Variants in DCAF15 observed in about 807,000 individuals in gnomAD.
DCAF15 encodes DDB1 and CUL4 associated factor 15, also known as DDB1- and CUL4-associated factor 15.
DCAF15 carries 24 observed loss-of-function variants against 68.0 expected under a neutral mutation model. The observed-to-expected ratio is 0.35, with a 90% CI of 0.26 to 0.50. DCAF15 has a LOEUF of 0.50. Among genes scored for constraint, DCAF15 ranks in the 20% least tolerant of loss-of-function variants. The probability of loss-of-function intolerance (pLI) is 0.98; values close to 1 mark genes in which losing one functional copy is unlikely to be tolerated. For synonymous variants in DCAF15, 376 were observed against 341.6 expected, an observed-to-expected ratio of 1.10 and a Z score of -1.11; for missense variants, 627 against 830.6, an observed-to-expected ratio of 0.75 and a Z score of 3.01.
At position 13,961,152 on chromosome 19, in the gene DCAF15, G is replaced by C; in HGVS notation, c.*157G>C. ...GGGCTGGGCAGGGCAGCCTCTGTTG[G>C]CCTGAGGGTCTGGACGCTTTTTATT... On this transcript the variant is annotated 3_prime_UTR_variant, in exon 13 of 13. Transcript: ENST00000254337. 1 of 852,434 alleles carries C rather than the reference G, an allele frequency of 1.2e-6. No homozygotes were observed. 52.8% of individuals were successfully genotyped at this position (852,434 alleles called of 1,614,324 possible).
chr19:13,958,040 TC>T (rs1973439046), intron 6 of DCAF15, among the ~76,000 whole-genome samples: 1 of 152,162 alleles, frequency 6.6e-6, no homozygotes, highest in Admixed American at 6.5e-5. Context: ...GGGCACTCTG[TC>T]CCCAGACATA....
rs867111719 is a variant in DCAF15 at position 13,961,240 on chromosome 19, C to T, written c.*245C>T. On this transcript the variant is annotated 3_prime_UTR_variant, in exon 13 of 13. Coordinates refer to ENST00000254337, the MANE Select transcript of DCAF15 (RefSeq NM_138353.4). ...GCCCCCTGCCCCACCAGCCTGAGTG[C>T]CCCGCCTTCACCCCGAGCTGGGCAT... 8.0e-5 allele frequency: 46 copies of T among 574,768 alleles called. No homozygotes were observed. Among genetic ancestry groups the T allele is most frequent in the Non-Finnish European group, 1.2e-4 (40 of 320,804 alleles). The allele number at this position is 574,768 out of a possible 1,614,324, so 35.6% of individuals were successfully genotyped here.
Position 13,959,393 on chromosome 19 carries a change from A to G in DCAF15, c.1133A>G (p.Glu378Gly). ...TAPRDSPPAS[E>G]APASEPGYVN... ...CCCCGGGACAGCCCCCCTGCCTCGG[A>G]GGCACCTGCCTCCGAGCCTGGCTAT... Residue 378 changes from glutamate to glycine, a missense_variant, in exon 7 of 13, where the codon GAG becomes GGG. Coordinates refer to ENST00000254337, the MANE Select transcript of DCAF15 (RefSeq NM_138353.4). 1 of 1,605,672 alleles carries G rather than the reference A, an allele frequency of 6.2e-7. No individual in the cohort carries two copies. Among genetic ancestry groups the G allele is most frequent in the South Asian group, 1.1e-5 (1 of 91,034 alleles).
At chr19:13,958,434 T>G (rs1367986644) in intron 6 of DCAF15, among the ~76,000 whole-genome samples, 1 of 152,080 alleles carries the variant, frequency 6.6e-6, no homozygotes, top group African/African-American at 2.4e-5. Context: ...ATGTGGCCCC[T>G]CTCTAGGGGT....
intron 6 of DCAF15, among the ~76,000 whole-genome samples, chr19:13,957,736 CCAT>C (rs1973427354): frequency 6.6e-6 from 1 of 152,078 alleles, no homozygotes; most frequent in African/African-American, 2.4e-5. Context: ...CGGTGAAACC[CCAT>C]CTCTAGTAAA....
Position 13,960,011 on chromosome 19 carries a change from A to G in DCAF15, c.1468A>G (p.Ile490Val). The change falls in exon 10 of 13, where the codon ATC (isoleucine) becomes GTC (valine). Residue 490 changes from isoleucine (I) to valine (V), a missense_variant. Transcript: ENST00000254337. ...CTGCCCAGAAACCAACCAGGTCCTC[A>G]TCAACATTGGCCTGCTGCTCCTGGC... ...EVCPETNQVL[I>V]NIGLLLLAFP... 1 of 1,612,664 alleles carries G rather than the reference A, an allele frequency of 6.2e-7. No individual in the cohort carries two copies. The highest frequency in any genetic ancestry group is 1.3e-5 in the African/African-American group (1 of 74,130).
chr19:13,960,659 A>C (rs1847453492), intron 12 of DCAF15, 79 bp downstream of exon 12: 1 of 1,366,594 alleles, frequency 7.3e-7, no homozygotes, highest in Non-Finnish European at 1.0e-6. Flanking sequence ...CTGAGCGCTG[A>C]TGAAATGGGT....
chr19:13,956,837 C>T (rs1398926464), intron 6 of DCAF15, among the ~76,000 whole-genome samples: 1 of 152,234 alleles, frequency 6.6e-6, no homozygotes, highest in Non-Finnish European at 1.5e-5. Context: ...TCTTGGCTCA[C>T]TGCAACCTCC....
chr19:13,955,819 C>G (rs1973333096), intron 3 of DCAF15, 93 bp from the exon 4 acceptor site: 1 of 1,336,770 alleles, frequency 7.5e-7, no homozygotes, highest in African/African-American at 1.4e-5. Context: ...CCTACCCGCT[C>G]AGCCCCAGCC....
rs768488110 is a variant in DCAF15 at position 13,960,298 on chromosome 19, A to G, written c.1538A>G (p.Tyr513Cys). 6.2e-7 allele frequency: 1 copy of G among 1,613,982 alleles called. No individual in the cohort carries two copies. The highest frequency in any genetic ancestry group is 1.1e-5 in the South Asian group (1 of 91,076). ...TEEGQLRPKT[Y>C]HTSLKVAWDL... ...CCTCTCCACTGTAGACCAAAGACCT[A>G]TCACACCAGCCTCAAGGTGGCATGG... Residue 513 changes from tyrosine (Y) to cysteine (C), a missense_variant, in exon 11 of 13, where the codon TAT becomes TGT. Physicochemically the swap from Tyr to Cys is radical, Grantham distance 194 (BLOSUM62 -2). Coordinates refer to ENST00000254337, the MANE Select transcript of DCAF15 (RefSeq NM_138353.4).
Position 13,960,712 on chromosome 19 carries a change from T to C in DCAF15, c.1747+132T>C, listed in dbSNP as rs1365077206. On this transcript the variant is annotated intron_variant, in intron 12 of 12. Transcript: ENST00000254337. Reference sequence around the variant, plus strand: ...GAGGGCAGCCCAGGCCAGGCCCAGCTCAGCAGCCCTGAAAGTGTGGGGCCT... The same window carrying C: ...GAGGGCAGCCCAGGCCAGGCCCAGCCCAGCAGCCCTGAAAGTGTGGGGCCT... 5 of 1,043,644 alleles carry C rather than the reference T, an allele frequency of 4.8e-6. No homozygotes were observed. In the East Asian group the frequency reaches 1.3e-4, roughly 27 times the overall value. The allele number at this position is 1,043,644 out of a possible 1,614,324, so 64.6% of individuals were successfully genotyped here. A position where few individuals can be genotyped will look rare whatever the true frequency, so the allele number is the denominator to read the frequency against.
chr19:13,961,051 C>G lies in DCAF15; in HGVS notation c.*56C>G, dbSNP rs8104373. ...CTACCTCCGTGGCCTGGGACCGGCC[C>G]CCTTCCTGGGGTGGCCTCTTCCTGG... On this transcript the variant is annotated 3_prime_UTR_variant, in exon 13 of 13. Coordinates refer to ENST00000254337, the MANE Select transcript of DCAF15 (RefSeq NM_138353.4). 30,961 of 1,605,288 alleles carry G rather than the reference C, an allele frequency of 0.019. 4,268 individuals are homozygous for G. In the African/African-American group the frequency reaches 0.33, roughly 17 times the overall value.
At chr19:13,960,105 G>T (rs1482294200) in intron 10 of DCAF15, 36 bp downstream of exon 10, 1 of 1,607,910 alleles carries the variant, frequency 6.2e-7, no homozygotes, top group African/African-American at 1.4e-5. Flanking sequence ...TGTCCACTAG[G>T]GGGGCCACTG....
Position 13,954,340 on chromosome 19 carries a change from A to C in DCAF15, c.133A>C (p.Ile45Leu). 6.2e-7 allele frequency: 1 copy of C among 1,612,840 alleles called. No individual in the cohort carries two copies. The highest frequency in any genetic ancestry group is 1.3e-5 in the African/African-American group (1 of 74,996). Residue 45 changes from isoleucine (I) to leucine (L), a missense_variant and splice_region_variant, in exon 2 of 13, where the codon ATC (isoleucine) becomes CTC (leucine). This residue lies in a region of DCAF15 where 273 missense variants were observed against 393.7 expected (regional missense o/e 0.69). Transcript: ENST00000254337. ...HVLKQLERVKISGQLSPRLFR... is the reference protein window; with the variant it reads ...HVLKQLERVKLSGQLSPRLFR... ...AGTGCCCTGGCCACCCCTTCCCCAG[A>C]TCAGCGGACAGCTCTCCCCTCGCCT...
intron 4 of DCAF15, 45 bp downstream of exon 4, chr19:13,956,063 G>T: frequency 1.9e-6 from 3 of 1,612,022 alleles, no homozygotes; most frequent in African/African-American, 2.7e-5. Context: ...TGGGGCAGGG[G>T]GTGTGCAGTG....
Position 13,952,581 on chromosome 19 carries a change from C to G in DCAF15, c.69C>G (p.Ala23=). The change falls in exon 1 of 13, where the codon GCC becomes GCG. Residue 23 remains alanine (A), a synonymous_variant. Transcript: ENST00000254337. ...GCGGCGGCGGCGGCCCCGGGGGAGC[C>G]GGAGGGAAGCGGGCAGCAGGGCGGC... is the stretch of plus-strand genomic sequence containing the variant. ...AGSGGGGPGG[A]GGKRAAGRRR... is the part of the protein sequence containing the mutation. The G allele has an allele frequency of 7.9e-7, 1 of 1,262,236 alleles. No homozygotes were observed. 78.2% of individuals were successfully genotyped at this position (1,262,236 alleles called of 1,614,324 possible).
At chr19:13,957,232 C>T (rs1568449517) in intron 6 of DCAF15, among the ~76,000 whole-genome samples, 1 of 152,194 alleles carries the variant, frequency 6.6e-6, no homozygotes, top group African/African-American at 2.4e-5. Flanking sequence ...GTGAGAATCA[C>T]AAGATGTCCC....
rs780460628 is a variant in DCAF15, at chr19:13,959,238, C to T, written c.978C>T (p.Asp326=). The T allele has an allele frequency of 6.8e-6, 11 of 1,612,662 alleles. No homozygotes were observed. In the East Asian group the frequency reaches 1.6e-4, roughly 23 times the overall value. ...AIAKAKEFVA[D]IFRRAKEAKG... Reference sequence around the variant, plus strand: ...CCAAAGCCAAGGAGTTTGTGGCTGACATCTTCCGCCGGGCCAAAGAGGCCA... The same window carrying T: ...CCAAAGCCAAGGAGTTTGTGGCTGATATCTTCCGCCGGGCCAAAGAGGCCA... The change falls in exon 7 of 13, where the codon GAC becomes GAT. Residue 326 remains aspartate, a synonymous_variant. Coordinates refer to ENST00000254337, the MANE Select transcript of DCAF15 (RefSeq NM_138353.4).
chr19:13,953,357 C>T, intron 1 of DCAF15: 1 of 504,864 alleles, frequency 2.0e-6, no homozygotes, highest in Non-Finnish European at 3.5e-6. Context: ...AGGGACTGCG[C>T]CTTCTCCGTG....
Sources: gnomAD v4.1 joint callset for allele counts (sites outside exome capture counted in the v4.1 genomes callset) on GRCh38, gnomAD v4.1.1 for gene constraint, gnomAD v4.1.1 regional missense constraint, MANE v1.5 for transcripts, NCBI Gene and HGNC (gene_info 2026-07-23, HGNC 2026-07-21) for gene names.